The following CSTL1 variants were observed in gnomAD, a reference collection of about 807,000 sequenced individuals.
The protein encoded by CSTL1 is cystatin-like 1.
A neutral mutation model predicts 14.4 loss-of-function variants in CSTL1; 14 were observed. The observed-to-expected ratio is 0.97, with a 90% CI of 0.64 to 1.52. The LOEUF is 1.52. Ranked by LOEUF, CSTL1 falls within the 40% of genes most tolerant of loss-of-function variation. The pLI is 0.00. For missense variants in CSTL1, 170 were observed against 168.7 expected (o/e 1.01, Z -0.04); for synonymous variants, 72 against 67.5 (o/e 1.07, Z -0.33).
chr20:23,442,035 T>C (rs1440045293), intron 2 of CSTL1, among the ~76,000 whole-genome samples: 7 of 152,272 alleles, frequency 4.6e-5, no homozygotes, highest in Non-Finnish European at 7.3e-5. Context: ...ATTTGGTTCT[T>C]GGTTCTTCCA....
the CSTL1 span, among the ~76,000 whole-genome samples, chr20:23,451,043 T>C: frequency 3.3e-5 from 5 of 152,032 alleles, no homozygotes; most frequent in Non-Finnish European, 5.9e-5. Context: ...ATCCATCCAT[T>C]TACCCATCTG....
At chr20:23,447,342 T>C (rs1362730759), downstream of CSTL1, among the ~76,000 whole-genome samples, 1 of 152,274 alleles carries the variant, frequency 6.6e-6, no homozygotes, top group Non-Finnish European at 1.5e-5. Context: ...TACCACAATT[T>C]ATCTATTGTA....
the CSTL1 span, chr20:23,451,907 A>G: frequency 6.2e-7 from 1 of 1,613,792 alleles, no homozygotes; most frequent in South Asian, 1.1e-5. Context: ...GTGATACTCC[A>G]GGTGGTCAGT....
chr20:23,452,166 G>A, the CSTL1 span, among the ~76,000 whole-genome samples: 157 of 152,302 alleles, frequency 1.0e-3, 1 homozygote, highest in Non-Finnish European at 2.1e-3. Context: ...TGCAAGTGAC[G>A]CTAGTGATTC....
the CSTL1 span, among the ~76,000 whole-genome samples, chr20:23,451,208 T>C: frequency 6.6e-6 from 1 of 152,196 alleles, no homozygotes; most frequent in Non-Finnish European, 1.5e-5. Flanking sequence ...CATTTCTTCA[T>C]CCATCTGTCC....
the CSTL1 span, among the ~76,000 whole-genome samples, chr20:23,453,485 T>C: frequency 6.6e-6 from 1 of 152,138 alleles, no homozygotes; most frequent in Admixed American, 6.5e-5. Flanking sequence ...GGGAGCTTTC[T>C]GGTTGGACAT....
chr20:23,444,717 G>A (rs1986927420), intron 3 of CSTL1, 54 bp from the exon 4 acceptor site: 6 of 1,225,184 alleles, frequency 4.9e-6, no homozygotes, highest in Non-Finnish European at 4.8e-6. Context: ...GGTGCCTGTT[G>A]CTTGCCTTTG....
the CSTL1 span, among the ~76,000 whole-genome samples, chr20:23,455,464 G>A: frequency 6.6e-6 from 1 of 152,172 alleles, no homozygotes; most frequent in Non-Finnish European, 1.5e-5. Flanking sequence ...CATGTCTCCG[G>A]CAGAATTGCT....
chr20:23,459,739 G>C, the CSTL1 span, among the ~76,000 whole-genome samples: 2 of 152,186 alleles, frequency 1.3e-5, no homozygotes, highest in African/African-American at 4.8e-5. Flanking sequence ...CAAAGTCATT[G>C]CTCAAAAACA....
chr20:23,452,202 C>A, the CSTL1 span, among the ~76,000 whole-genome samples: 1 of 152,120 alleles, frequency 6.6e-6, no homozygotes, highest in Non-Finnish European at 1.5e-5. Flanking sequence ...AAACTTTTTC[C>A]GTAAAGGGCT....
At chr20:23,453,763 CT>C in the CSTL1 span, among the ~76,000 whole-genome samples, 5 of 152,174 alleles carry the variant, frequency 3.3e-5, no homozygotes, top group Non-Finnish European at 7.3e-5. Flanking sequence ...TGTTTCGAGG[CT>C]TCCTCATGTG....
At chr20:23,445,006 G>T, downstream of CSTL1, 1 of 688,714 alleles carries the variant, frequency 1.5e-6, no homozygotes, top group South Asian at 1.7e-5. Context: ...ACACACACTT[G>T]CACATACTTA....
chr20:23,440,754 C>A, intron 2 of CSTL1: 1 of 447,446 alleles, frequency 2.2e-6, no homozygotes, highest in Non-Finnish European at 4.1e-6. Flanking sequence ...GAGGATTAAA[C>A]TCTTTTTTTT....
downstream of CSTL1, among the ~76,000 whole-genome samples, chr20:23,446,220 A>T (rs1037369232): frequency 1.3e-5 from 2 of 150,778 alleles, no homozygotes; most frequent in Admixed American, 1.3e-4. Context: ...CTCAAACTCC[A>T]TCCAAGGCCA....
downstream of CSTL1, chr20:23,445,058 C>G: frequency 1.6e-6 from 1 of 639,984 alleles, no homozygotes; most frequent in Non-Finnish European, 2.8e-6. Context: ...TCACGACACC[C>G]TCACACTCTC....
chr20:23,455,667 T>A, the CSTL1 span, among the ~76,000 whole-genome samples: 4 of 152,186 alleles, frequency 2.6e-5, no homozygotes, highest in African/African-American at 9.7e-5. Context: ...TTCACTTGTG[T>A]CAGTGCAAAC....
At chr20:23,460,017 G>A in the CSTL1 span, among the ~76,000 whole-genome samples, 2 of 152,186 alleles carry the variant, frequency 1.3e-5, no homozygotes, top group East Asian at 3.8e-4. Context: ...AGTGTTTATA[G>A]CATCACTTCT....
chr20:23,451,921 C>A, the CSTL1 span: 2 of 1,612,464 alleles, frequency 1.2e-6, no homozygotes, highest in Non-Finnish European at 8.5e-7. Flanking sequence ...GGTCAGTGAC[C>A]TGTGGGCGCC....
the CSTL1 span, among the ~76,000 whole-genome samples, chr20:23,450,211 C>A: frequency 2.4e-4 from 37 of 152,118 alleles, no homozygotes; most frequent in Non-Finnish European, 4.7e-4. Flanking sequence ...TCTAAAGAAT[C>A]TTAAAATCTT....
Sources: allele counts gnomAD v4.1 joint callset (sites outside exome capture counted in the v4.1 genomes callset), GRCh38; gene constraint gnomAD v4.1.1; transcripts MANE v1.5; gene names NCBI Gene and HGNC (gene_info 2026-07-23, HGNC 2026-07-21).